Variants in HDAC6 observed in about 807,000 individuals in gnomAD.
The protein encoded by HDAC6 is histone deacetylase 6.
A neutral mutation model predicts 88.9 loss-of-function variants in HDAC6; 5 were observed. The observed-to-expected ratio is 0.06, with a 90% CI of 0.03 to 0.12. The LOEUF (loss-of-function observed/expected upper bound fraction) is 0.12, where lower values mean the gene tolerates loss of function less well. Among genes scored for constraint, HDAC6 ranks in the 10% least tolerant of loss-of-function variants. The probability of loss-of-function intolerance (pLI) is 1.00; values close to 1 mark genes in which losing one functional copy is unlikely to be tolerated. For synonymous variants in HDAC6, 378 were observed against 398.0 expected, an observed-to-expected ratio of 0.95 and a Z score of 0.60; for missense variants, 706 against 1,014.4, an observed-to-expected ratio of 0.70 and a Z score of 4.13.
upstream of HDAC6, chrX:48,801,997 AGGCGGCTAGG>A (rs1244643667): frequency 2.2e-5 from 21 of 961,612 alleles, no homozygotes; most frequent in East Asian, 1.6e-3. Flanking sequence ...GGCCGACCGA[AGGCGGCTAGG>A]GACTGGCTGA....
chrX:48,803,096 G>T, intron 3 of HDAC6, 32 bp from the exon 4 acceptor site: 1 of 1,201,890 alleles, frequency 8.3e-7, no homozygotes, highest in Non-Finnish European at 1.1e-6. Context: ...GCCTAAAATG[G>T]ATCTGTGTCT....
chrX:48,807,216 G>A (rs1557024677), intron 8 of HDAC6, among the ~76,000 whole-genome samples: 1 of 111,786 alleles, frequency 8.9e-6, no homozygotes, highest in Non-Finnish European at 1.9e-5. Context: ...TACACATCTT[G>A]GAAACCTTTC....
In HDAC6 at chrX:48,824,705, C is replaced by T; in HGVS notation, c.*93C>T. 1 of 1,151,723 alleles carries T rather than the reference C, an allele frequency of 8.7e-7. No homozygotes were observed. The highest frequency in any genetic ancestry group is 1.8e-5 in the African/African-American group (1 of 56,238). The allele number at this position is 1,151,723 out of a possible 1,213,427, so 94.9% of individuals were successfully genotyped here. A position where few individuals can be genotyped will look rare whatever the true frequency, so the allele number is the denominator to read the frequency against. ...TGTACCTTGGATGAGGGGTAGCCTCCCACTGCATCCCATCCTGAATATCCT... is the reference window on the plus strand; with the variant it reads ...TGTACCTTGGATGAGGGGTAGCCTCTCACTGCATCCCATCCTGAATATCCT... On this transcript the variant is annotated 3_prime_UTR_variant, in exon 29 of 29. Coordinates refer to ENST00000334136, the MANE Select transcript of HDAC6 (RefSeq NM_006044.4).
rs189804555 is a variant in HDAC6 at position 48,812,619 on chromosome X, T to C, written c.807-1821T>C. Among the ~76,000 whole-genome samples the C allele has an allele frequency of 3.4e-4, 38 of 112,189 alleles. 1 individual carries two copies. Among genetic ancestry groups the C allele is most frequent in the Admixed American group, 2.9e-3 (31 of 10,612 alleles). ...CTTTCTAGAAATTCATTGAAGTCTC[T>C]TATTCTCTGACATCCTTTCCACTCT... On this transcript the variant is annotated intron_variant, in intron 10 of 28. Transcript: ENST00000334136.
At chrX:48,808,429 TGGGG>T in intron 10 of HDAC6, 103 bp downstream of exon 10, 1 of 528,406 alleles carries the variant, frequency 1.9e-6, no homozygotes, top group Non-Finnish European at 3.2e-6. Context: ...TTCACATTCA[TGGGG>T]CCTATCCTGG....
At chrX:48,802,021 G>C (rs782564776), upstream of HDAC6, 370 of 942,842 alleles carry the variant, frequency 3.9e-4, no homozygotes, top group Non-Finnish European at 4.7e-4. Context: ...TGGCTGAAGA[G>C]GGTTAGCGAA....
At chrX:48,816,396 AG>A in intron 18 of HDAC6, 68 bp from the exon 19 acceptor site, 1 of 1,116,852 alleles carries the variant, frequency 9.0e-7, no homozygotes, top group Non-Finnish European at 1.2e-6. Flanking sequence ...TCCCTGTCTT[AG>A]GGGTGGGGAC....
At chrX:48,821,699 G>T (rs2147386737) in intron 23 of HDAC6, among the ~76,000 whole-genome samples, 1 of 109,418 alleles carries the variant, frequency 9.1e-6, no homozygotes, top group African/African-American at 3.3e-5. Flanking sequence ...TAGAGACGGG[G>T]GTTTCACCAT....
At chrX:48,816,105 G>T (rs371757079) in intron 17 of HDAC6, 36 bp from the exon 18 acceptor site, 1 of 1,209,981 alleles carries the variant, frequency 8.3e-7, no homozygotes, top group Non-Finnish European at 1.1e-6. Context: ...TCCCCCTCAG[G>T]CACTAAGCCT....
Position 48,816,609 on chromosome X carries a change from G to A in HDAC6, c.1767G>A (p.Leu589=). ...TTGCCACTGGCGCTGCCTGCCGCCT[G>A]GTGGAGGCTGTGCTCTCAGGAGAGG... ...AQLATGAACR[L]VEAVLSGEVL... The change falls in exon 19 of 29, where the codon CTG becomes CTA. Residue 589 remains leucine, a synonymous_variant. Coordinates refer to ENST00000334136, the MANE Select transcript of HDAC6 (RefSeq NM_006044.4). 4 of 1,211,106 alleles carry A rather than the reference G, an allele frequency of 3.3e-6. No homozygotes were observed. The highest frequency in any genetic ancestry group is 3.4e-6 in the Non-Finnish European group (3 of 895,081).
intron 23 of HDAC6, among the ~76,000 whole-genome samples, chrX:48,821,491 CTTTTTTTTTTTT>C (rs869154128): frequency 2.6e-5 from 2 of 77,514 alleles, no homozygotes; most frequent in East Asian, 8.3e-4. Flanking sequence ...ATACCTGCCT[CTTTTTTTTTTTT>C]TTTTTTTTTT....
At chrX:48,815,734 G>C (rs1163663663) in intron 16 of HDAC6, 92 bp downstream of exon 16, 4 of 1,048,134 alleles carry the variant, frequency 3.8e-6, no homozygotes, top group Non-Finnish European at 4.0e-6. Context: ...TTACTGGGCT[G>C]CCTTGGTGGG....
In HDAC6 at chrX:48,802,954, C is replaced by T; in HGVS notation, c.177C>T (p.Leu59=). The T allele has an allele frequency of 8.3e-7, 1 of 1,210,552 alleles. No individual in the cohort carries two copies. Among genetic ancestry groups the T allele is most frequent in the Non-Finnish European group, 1.1e-6 (1 of 894,701 alleles). ...AGAAGAAAGGCAAAATGAAGAAGCT[C>T]GGCCAAGCAATGGAAGAAGACCTAA... ...EVKKKGKMKK[L]GQAMEEDLIV... is the part of the protein sequence containing the mutation. The change falls in exon 3 of 29, where the codon CTC becomes CTT. Residue 59 remains leucine, a synonymous_variant. Coordinates refer to ENST00000334136, the MANE Select transcript of HDAC6 (RefSeq NM_006044.4).
intron 23 of HDAC6, among the ~76,000 whole-genome samples, chrX:48,820,503 G>A (rs1174442261): frequency 1.6e-5 from 1 of 63,823 alleles, no homozygotes; most frequent in African/African-American, 6.1e-5. Context: ...AGCCTTATGA[G>A]GTAGGGTAAG....
chrX:48,823,651 C>T (rs1386917985), intron 25 of HDAC6, 21 bp from the exon 26 acceptor site: 12 of 1,192,883 alleles, frequency 1.0e-5, no homozygotes, highest in African/African-American at 3.5e-5. Context: ...TCTGATACAT[C>T]TCTTACTTCT....
At position 48,815,062 on chromosome X, in the gene HDAC6, C is replaced by T; in HGVS notation, c.1149+11C>T. ...ATCCTGTCTCTGGAGGTGAGTGACTCACCTTCGTCCCTCAGCCTGTGGATC... is the reference window on the plus strand; with the variant it reads ...ATCCTGTCTCTGGAGGTGAGTGACTTACCTTCGTCCCTCAGCCTGTGGATC... On this transcript the variant is annotated intron_variant, in intron 14 of 28. Transcript: ENST00000334136. 1.7e-6 allele frequency: 2 copies of T among 1,158,071 alleles called. No individual in the cohort carries two copies. The highest frequency in any genetic ancestry group is 1.9e-5 in the South Asian group (1 of 53,459).
upstream of HDAC6, chrX:48,801,802 C>T: frequency 1.1e-6 from 1 of 941,597 alleles, no homozygotes; most frequent in Non-Finnish European, 1.4e-6. Flanking sequence ...CCTCTGGAGG[C>T]GGGATCTGGG....
Position 48,805,476 on chromosome X carries a change from A to G in HDAC6, c.350A>G (p.Glu117Gly). 1 of 1,210,425 alleles carries G rather than the reference A, an allele frequency of 8.3e-7. No individual in the cohort carries two copies. The highest frequency in any genetic ancestry group is 1.8e-5 in the South Asian group (1 of 56,753). The change falls in exon 5 of 29, where the codon GAG becomes GGG. Residue 117 changes from glutamate to glycine, a missense_variant. Physicochemically the swap from Glu to Gly is moderately conservative, Grantham distance 98. Around this residue, in one of 9 missense-constraint regions of HDAC6, gnomAD observed 193 missense variants for 258.2 expected, o/e 0.75. Transcript: ENST00000334136. Reference protein sequence around the residue: ...EGPERLHAIKEQLIQEGLLDR... With the variant: ...EGPERLHAIKGQLIQEGLLDR... ...CCTGAGCGGCTCCATGCCATCAAGG[A>G]GCAACTGATCCAGGAGGGCCTCCTA...
intron 20 of HDAC6, chrX:48,817,778 A>G (rs1557028137): frequency 2.4e-6 from 1 of 423,840 alleles, no homozygotes; most frequent in Non-Finnish European, 4.1e-6. Context: ...AAGACCCACG[A>G]ACCAGCCCCC....
Sources: gnomAD v4.1 joint callset for allele counts (sites outside exome capture counted in the v4.1 genomes callset) on GRCh38, gnomAD v4.1.1 for gene constraint, gnomAD v4.1.1 regional missense constraint, MANE v1.5 for transcripts, NCBI Gene and HGNC (gene_info 2026-07-23, HGNC 2026-07-21) for gene names.